Variants in ELL observed in about 807,000 individuals in gnomAD.
The protein encoded by ELL is elongation factor for RNA polymerase II, also known as RNA polymerase II elongation factor ELL.
A neutral mutation model predicts 64.0 loss-of-function variants in ELL; 18 were observed. That is an observed-to-expected ratio of 0.28 (90% CI 0.19 to 0.42). The LOEUF is 0.42. ELL is among the 10% of genes least tolerant of loss of function. ELL has a pLI of 1.00. For synonymous variants in ELL, 399 were observed against 376.2 expected, an observed-to-expected ratio of 1.06 and a Z score of -0.70; for missense variants, 797 against 870.4, an observed-to-expected ratio of 0.92 and a Z score of 1.06.
intron 6 of ELL, among the ~76,000 whole-genome samples, chr19:18,453,589 G>T (rs776216227): frequency 6.6e-6 from 1 of 152,200 alleles, no homozygotes; most frequent in Non-Finnish European, 1.5e-5. Context: ...ACAGAAAATA[G>T]GTTGGGCGCA....
At chr19:18,458,374 G>C in intron 5 of ELL, 45 bp from the exon 6 acceptor site, 1 of 1,591,696 alleles carries the variant, frequency 6.3e-7, no homozygotes, top group Non-Finnish European at 8.6e-7. Flanking sequence ...TCCTGAGAGA[G>C]ACGGGGGACT....
chr19:18,465,876 T>G lies in ELL; in HGVS notation c.226A>C (p.Thr76Pro). The change falls in exon 3 of 12, where the codon ACG (threonine) becomes CCG (proline). Residue 76 changes from threonine (T) to proline (P), a missense_variant. Thr to Pro is a conservative substitution (Grantham distance 38). Transcript: ENST00000262809. ...ATGTTGGAGAGGTAGAAGGAGAACG[T>G]CCGCGCCTCTGCGGGGCAGTCAGGC... The part of the protein sequence containing the change: ...PQPDCPAEAR[T>P]FSFYLSNIGR... The G allele has an allele frequency of 7.5e-7, 1 of 1,332,410 alleles. No homozygotes were observed. The highest frequency in any genetic ancestry group is 9.7e-7 in the Non-Finnish European group (1 of 1,032,550). The allele number at this position is 1,332,410 out of a possible 1,614,324, so 82.5% of individuals were successfully genotyped here. A position where few individuals can be genotyped will look rare whatever the true frequency, so the allele number is the denominator to read the frequency against.
At chr19:18,483,370 A>G (rs1975345630) in intron 1 of ELL, among the ~76,000 whole-genome samples, 1 of 152,228 alleles carries the variant, frequency 6.6e-6, no homozygotes, top group Non-Finnish European at 1.5e-5. Flanking sequence ...GCAGGTGAGC[A>G]GAAAGTGGCC....
chr19:18,494,682 C>T (rs551110873), intron 1 of ELL, among the ~76,000 whole-genome samples: 5 of 152,148 alleles, frequency 3.3e-5, no homozygotes, highest in African/African-American at 1.2e-4. Flanking sequence ...TATGAGCCAC[C>T]GCACCAGGCC....
chr19:18,472,578 T>A (rs1975085763), intron 2 of ELL: 1 of 491,116 alleles, frequency 2.0e-6, no homozygotes, highest in Non-Finnish European at 3.6e-6. Flanking sequence ...GGAAGCTAGG[T>A]GCACATCGCT....
In ELL at chr19:18,444,207, G is replaced by A. The variant is rs537226592; in HGVS notation, c.*545C>T. 3.0e-4 allele frequency: 69 copies of A among 232,228 alleles called. No homozygotes were observed. Among genetic ancestry groups the A allele is most frequent in the Non-Finnish European group, 2.6e-5 (3 of 117,440 alleles). 14.4% of individuals were successfully genotyped at this position (232,228 alleles called of 1,614,324 possible). A position where few individuals can be genotyped will look rare whatever the true frequency, so the allele number is the denominator to read the frequency against. On this transcript the variant is annotated 3_prime_UTR_variant, in exon 12 of 12. Transcript: ENST00000262809. ...AGGGGTGCCTAAACGTAGAGCCAGA[G>A]ACCAGCAGAGGCCACCTGCCCATTC...
intron 1 of ELL, among the ~76,000 whole-genome samples, chr19:18,481,256 C>A (rs1975293962): frequency 6.6e-6 from 1 of 152,166 alleles, no homozygotes; most frequent in South Asian, 2.1e-4. Flanking sequence ...GTGGTCCTTG[C>A]AACAACTGAG....
intron 2 of ELL, among the ~76,000 whole-genome samples, chr19:18,470,211 C>T (rs1179689482): frequency 3.3e-5 from 5 of 152,256 alleles, no homozygotes; most frequent in Middle Eastern, 3.2e-3. Context: ...GCCCCTGCTA[C>T]ACATGTTATT....
At chr19:18,508,792 A>G (rs1004953580) in intron 1 of ELL, among the ~76,000 whole-genome samples, 8 of 152,268 alleles carry the variant, frequency 5.3e-5, no homozygotes, top group African/African-American at 1.9e-4. Context: ...GCAAGTGGGC[A>G]GCTGTGTCCC....
Position 18,446,797 on chromosome 19 carries a change from T to C in ELL, c.1483A>G (p.Ser495Gly). 5 of 1,614,108 alleles carry C rather than the reference T, an allele frequency of 3.1e-6. No individual in the cohort carries two copies. The highest frequency in any genetic ancestry group is 4.2e-6 in the Non-Finnish European group (5 of 1,180,026). Residue 495 changes from serine (S) to glycine (G), a missense_variant, in exon 9 of 12, where the codon AGC becomes GGC. Physicochemically the swap from Ser to Gly is moderately conservative, Grantham distance 56. Transcript: ENST00000262809. The stretch of plus-strand genomic sequence containing the variant: ...GTGGACGTGGGAACACTGGAAACGC[T>C]GCAGGTTCCGTTTAAACCTACGAGA... ...ADTPGLNGTC[S>G]VSSVPTSTSE...
intron 5 of ELL, among the ~76,000 whole-genome samples, chr19:18,458,620 T>C (rs1412156984): frequency 2.6e-5 from 4 of 152,120 alleles, no homozygotes; most frequent in African/African-American, 9.7e-5. Flanking sequence ...AGGGGAGGGC[T>C]ACCACCTGCA....
At position 18,451,585 on chromosome 19, in the gene ELL, TG is replaced by T; in HGVS notation, c.932del (p.Pro311GlnfsTer24). ...GCGAGGCCGAGCGCCCACGCTCGCCTGGGGGGCTGGAGGCAGCAGGGTCTCC... is the reference window on the plus strand; with the variant it reads ...GCGAGGCCGAGCGCCCACGCTCGCCTGGGGGCTGGAGGCAGCAGGGTCTCC... ...LLGDPAASSP[P>X]GERGRSASPP... On this transcript the variant is annotated frameshift_variant, in exon 7 of 12. Coordinates refer to ENST00000262809, the MANE Select transcript of ELL (RefSeq NM_006532.4). LOFTEE classifies it high-confidence loss of function. 2.0e-6 allele frequency: 3 copies of T among 1,496,338 alleles called. No individual in the cohort carries two copies. The highest frequency in any genetic ancestry group is 2.5e-5 in the Admixed American group (1 of 39,346). 92.7% of individuals were successfully genotyped at this position (1,496,338 alleles called of 1,614,324 possible).
chr19:18,517,900 AAAG>A (rs1182122348), intron 1 of ELL, among the ~76,000 whole-genome samples: 16 of 151,282 alleles, frequency 1.1e-4, no homozygotes, highest in East Asian at 3.9e-4. Context: ...AAAAAAAAAA[AAAG>A]AAGGAGAAGA....
At position 18,450,688 on chromosome 19, in the gene ELL, G is replaced by A. The variant is rs1481261886; in HGVS notation, c.1254C>T (p.Ala418=). ...GGCCGAGGCGCACAGTGGGGGCTGG[G>A]GCAGCCGCCTCTCCGTGCTCACAGT... ...GRDCEHGEAA[A]PAPTVRLGLP... The change falls in exon 8 of 12, where the codon GCC becomes GCT. Residue 418 remains alanine, a synonymous_variant. Transcript: ENST00000262809. The A allele has an allele frequency of 1.3e-6, 2 of 1,584,638 alleles. No individual in the cohort carries two copies. Among genetic ancestry groups the A allele is most frequent in the Non-Finnish European group, 8.6e-7 (1 of 1,166,270 alleles).
chr19:18,459,077 A>G (rs1270130816), intron 5 of ELL, among the ~76,000 whole-genome samples: 1 of 152,082 alleles, frequency 6.6e-6, no homozygotes, highest in African/African-American at 2.4e-5. Flanking sequence ...ATAGGATCTC[A>G]GTATTTTGCA....
chr19:18,515,455 G>A (rs540972607), intron 1 of ELL, among the ~76,000 whole-genome samples: 1 of 152,370 alleles, frequency 6.6e-6, no homozygotes, highest in East Asian at 1.9e-4. Context: ...TTCCCAGCTG[G>A]GAGATCCTGC....
At chr19:18,469,373 G>A (rs1201028449) in intron 2 of ELL, among the ~76,000 whole-genome samples, 1 of 152,250 alleles carries the variant, frequency 6.6e-6, no homozygotes, top group African/African-American at 2.4e-5. Flanking sequence ...CCGTGGGGAA[G>A]CCAGCGGGAT....
chr19:18,487,708 G>A (rs1464867927), intron 1 of ELL, among the ~76,000 whole-genome samples: 4 of 152,234 alleles, frequency 2.6e-5, no homozygotes, highest in African/African-American at 9.6e-5. Context: ...TTGTTCCTCT[G>A]GAGAGAATGA....
rs201258122 is a variant in ELL, at chr19:18,521,928, G to A, written c.128C>T (p.Ala43Val). 34 of 1,596,174 alleles carry A rather than the reference G, an allele frequency of 2.1e-5. No homozygotes were observed. In the Admixed American group the frequency reaches 5.7e-4, roughly 27 times the overall value. Residue 43 changes from alanine (A) to valine (V), a missense_variant, in exon 1 of 12, where the codon GCC becomes GTC. By Grantham distance (64) the Ala-to-Val change is moderately conservative. Transcript: ENST00000262809. ...SALRAFESYRARQDSVSLRPS... is the reference protein window; with the variant it reads ...SALRAFESYRVRQDSVSLRPS... The stretch of plus-strand genomic sequence containing the variant: ...GGGCGCCATGCCACTCACCTGTCTG[G>A]CGCGGTAGCTCTCGAAGGCCCTCAG...
Sources: allele counts gnomAD v4.1 joint callset (sites outside exome capture counted in the v4.1 genomes callset), GRCh38; gene constraint gnomAD v4.1.1; transcripts MANE v1.5; gene names NCBI Gene and HGNC (gene_info 2026-07-23, HGNC 2026-07-21).